Variants in ZFHX3 observed in about 807,000 individuals in gnomAD.
ZFHX3 encodes zinc finger homeobox protein 3.
A neutral mutation model predicts 279.1 loss-of-function variants in ZFHX3; 42 were observed. The ratio of observed to expected loss-of-function variants is 0.15; its 90% CI spans 0.12 to 0.19. The LOEUF is 0.19. Ranked by LOEUF, ZFHX3 falls within the 10% of genes least tolerant of loss-of-function variation. The pLI, the probability that ZFHX3 is intolerant of heterozygous loss-of-function variation, is 1.00. For synonymous variants in ZFHX3, 2,293 were observed against 1,957.8 expected (o/e 1.17, Z -4.52); for missense variants, 4,981 against 4,754.0 (o/e 1.05, Z -1.40).
At chr16:73,496,018 G>A (rs912284865) in intron 2 of ZFHX3, among the ~76,000 whole-genome samples, 2 of 152,208 alleles carry the variant, frequency 1.3e-5, no homozygotes, top group Admixed American at 6.5e-5. Context: ...TAGACAGAAA[G>A]AGAGCGACAT....
intron 2 of ZFHX3, among the ~76,000 whole-genome samples, chr16:73,575,581 T>A (rs1339714253): frequency 6.6e-6 from 1 of 152,194 alleles, no homozygotes; most frequent in Non-Finnish European, 1.5e-5. Context: ...GGGCAACATA[T>A]TAAGACTTGT....
At chr16:73,717,635 G>A (rs1296180610) in intron 1 of ZFHX3, among the ~76,000 whole-genome samples, 1 of 152,146 alleles carries the variant, frequency 6.6e-6, no homozygotes, top group African/African-American at 2.4e-5. Flanking sequence ...TAGGCTCCGA[G>A]GAGGGTTGGA....
At chr16:73,567,719 C>G (rs750257984) in intron 2 of ZFHX3, among the ~76,000 whole-genome samples, 2 of 152,182 alleles carry the variant, frequency 1.3e-5, no homozygotes, top group Non-Finnish European at 2.9e-5. Context: ...GCCTGCGTCC[C>G]TTGTAGCTTA....
intron 2 of ZFHX3, among the ~76,000 whole-genome samples, chr16:73,542,141 C>T (rs1371338242): frequency 6.6e-6 from 1 of 152,086 alleles, no homozygotes; most frequent in Non-Finnish European, 1.5e-5. Context: ...GACAACACAG[C>T]TCCCTTAGTG....
At chr16:73,448,685 CGTGTGTGTGTGTGTGTGTGTGTGT>C (rs71156167) in intron 3 of ZFHX3, among the ~76,000 whole-genome samples, 1 of 142,090 alleles carries the variant, frequency 7.0e-6, no homozygotes, top group Non-Finnish European at 1.5e-5. Flanking sequence ...TATTTATATA[CGTGTGTGTGTGTGTGTGTGTGTGT>C]GTGTGTGTGT....
chr16:73,544,735 G>T (rs778872940), intron 2 of ZFHX3, among the ~76,000 whole-genome samples: 1 of 152,124 alleles, frequency 6.6e-6, no homozygotes, highest in Non-Finnish European at 1.5e-5. Context: ...GGTTGCAGAA[G>T]AATGCCAGGT....
Position 73,230,818 on chromosome 16 carries a change from G to A in ZFHX3, c.-1104+26229C>T, listed in dbSNP as rs112586608. On this transcript the variant is annotated intron_variant, in intron 5 of 17. Transcript: ENST00000641206. ...CTAGAGCTAATCAGAAGCCAGAAAA[G>A]GAATAAAAAAATCAGTGTTCCTGCT... is the stretch of plus-strand genomic sequence containing the variant. 2.0e-3 allele frequency among the ~76,000 whole-genome samples: 300 copies of A among 152,234 alleles called. 2 individuals are homozygous for A. Among genetic ancestry groups the A allele is most frequent in the African/African-American group, 6.8e-3 (281 of 41,536 alleles).
chr16:73,205,940 A>C lies in ZFHX3; in HGVS notation c.-1104+51107T>G, dbSNP rs542390162. 1.9e-4 allele frequency among the ~76,000 whole-genome samples: 29 copies of C among 152,344 alleles called. 1 individual carries two copies. Among genetic ancestry groups the C allele is most frequent in the Admixed American group, 5.2e-4 (8 of 15,294 alleles). On this transcript the variant is annotated intron_variant, in intron 5 of 17. Transcript: ENST00000641206. ...ATGCAAATGATGCAGACAGTTATAC[A>C]ATTTACAATTTGGCTGAAATTGTTA... is the stretch of plus-strand genomic sequence containing the variant.
chr16:73,400,154 C>G (rs564954331), intron 3 of ZFHX3: 1 of 152,046 alleles, frequency 6.6e-6, no homozygotes, highest in South Asian at 2.1e-4. Context: ...GAAACTGAGG[C>G]CCAGAGAGGT....
intron 3 of ZFHX3, among the ~76,000 whole-genome samples, chr16:73,338,338 C>T (rs2015956974): frequency 6.6e-6 from 1 of 152,182 alleles, no homozygotes; most frequent in Non-Finnish European, 1.5e-5. Context: ...TGACTGTGTT[C>T]TCAGAGCTTC....
At chr16:73,156,290 T>C (rs1967083252) in intron 5 of ZFHX3, among the ~76,000 whole-genome samples, 1 of 147,626 alleles carries the variant, frequency 6.8e-6, no homozygotes, top group African/African-American at 2.5e-5. Flanking sequence ...AACACAAAAG[T>C]CAGGCTTATT....
chr16:72,999,814 C>G (rs968292321), intron 1 of ZFHX3, among the ~76,000 whole-genome samples: 11 of 152,250 alleles, frequency 7.2e-5, no homozygotes, highest in African/African-American at 1.9e-4. Flanking sequence ...ATACTTCACT[C>G]TCTCCGCTCA....
At chr16:73,218,711 G>A (rs2012300095) in intron 5 of ZFHX3, among the ~76,000 whole-genome samples, 1 of 152,214 alleles carries the variant, frequency 6.6e-6, no homozygotes, top group Non-Finnish European at 1.5e-5. Flanking sequence ...GGAGGTTGCA[G>A]TGAGCTGATA....
chr16:73,540,960 GA>G (rs2019999926), intron 2 of ZFHX3, among the ~76,000 whole-genome samples: 1 of 152,052 alleles, frequency 6.6e-6, no homozygotes, highest in Admixed American at 6.6e-5. Flanking sequence ...TGCTCTTTTA[GA>G]ATAGATGGTA....
chr16:72,787,694 A>G lies in ZFHX3; in HGVS notation c.10582T>C (p.Ser3528Pro). 7.0e-7 allele frequency: 1 copy of G among 1,420,646 alleles called. No individual in the cohort carries two copies. The highest frequency in any genetic ancestry group is 9.2e-7 in the Non-Finnish European group (1 of 1,084,260). 88.0% of individuals were successfully genotyped at this position (1,420,646 alleles called of 1,614,324 possible). A position where few individuals can be genotyped will look rare whatever the true frequency, so the allele number is the denominator to read the frequency against. The change falls in exon 10 of 10, where the codon TCG becomes CCG. Residue 3528 changes from serine (S) to proline (P), a missense_variant. Coordinates refer to ENST00000268489, the MANE Select transcript of ZFHX3 (RefSeq NM_006885.4). ...GGGGGGGGGG[S>P]YHCLACESAL... ...CTCTCGCACGCCAGGCAGTGGTACG[A>G]GCCGCCGCCGCCGCCGCCGCCGCCA... is the stretch of plus-strand genomic sequence containing the variant.
At chr16:73,772,509 G>T (rs2054029767) in intron 1 of ZFHX3, among the ~76,000 whole-genome samples, 1 of 152,176 alleles carries the variant, frequency 6.6e-6, no homozygotes, top group African/African-American at 2.4e-5. Context: ...TGAGATTTAG[G>T]TGGGGACACA....
At chr16:73,604,269 C>T (rs1040580541) in intron 2 of ZFHX3, among the ~76,000 whole-genome samples, 1 of 151,842 alleles carries the variant, frequency 6.6e-6, no homozygotes, top group Non-Finnish European at 1.5e-5. Context: ...CATTTTTTCC[C>T]CCTAGTTTTC....
chr16:73,032,789 G>T (rs893637930), intron 1 of ZFHX3, among the ~76,000 whole-genome samples: 7 of 152,102 alleles, frequency 4.6e-5, no homozygotes, highest in African/African-American at 1.7e-4. Flanking sequence ...TTAGCAACGA[G>T]AGCGGATGGA....
chr16:73,628,317 T>C (rs1567536896), intron 2 of ZFHX3, among the ~76,000 whole-genome samples: 1 of 152,208 alleles, frequency 6.6e-6, no homozygotes, highest in Non-Finnish European at 1.5e-5. Context: ...AAGTAGATGA[T>C]TCCTAGAGTT....
Sources: gnomAD v4.1 joint callset for allele counts (sites outside exome capture counted in the v4.1 genomes callset) on GRCh38, gnomAD v4.1.1 for gene constraint, MANE v1.5 for transcripts, NCBI Gene and HGNC (gene_info 2026-07-23, HGNC 2026-07-21) for gene names.